CD109: variants seen among roughly 807,000 people sequenced by gnomAD.
CD109 encodes CD109 molecule.
A neutral mutation model predicts 165.8 loss-of-function variants in CD109; 149 were observed. The observed-to-expected ratio is 0.90, with a 90% CI of 0.79 to 1.03. CD109 has a LOEUF of 1.03. CD109 is among the 50% of genes least tolerant of loss of function. The pLI is 0.00. For missense variants in CD109, 1,712 were observed against 1,677.8 expected, an observed-to-expected ratio of 1.02 and a Z score of -0.36; for synonymous variants, 585 against 592.1, an observed-to-expected ratio of 0.99 and a Z score of 0.18.
chr6:73,766,089 C>T lies in CD109; in HGVS notation c.1267C>T (p.Pro423Ser), dbSNP rs377190899. 53 of 1,613,942 alleles carry T rather than the reference C, an allele frequency of 3.3e-5. No homozygotes were observed. The African/African-American group carries it at 5.9e-4, about 18-fold the overall frequency. Residue 423 changes from proline (P) to serine (S), a missense_variant, in exon 11 of 33, where the codon CCC (proline) becomes TCC (serine). Coordinates refer to ENST00000287097, the MANE Select transcript of CD109 (RefSeq NM_133493.5). ...TGTTCAGAAAATAAATTATACTGTC[C>T]CCCAAAGTGGAACTTTTAAGATTGA... Reference protein sequence around the residue: ...EAVQKINYTVPQSGTFKIEFP... With the variant: ...EAVQKINYTVSQSGTFKIEFP...
At position 73,823,820 on chromosome 6, in the gene CD109, T is replaced by C. The variant is rs1776186938; in HGVS notation, c.*187T>C. On this transcript the variant is annotated 3_prime_UTR_variant, in exon 33 of 33. Coordinates refer to ENST00000287097, the MANE Select transcript of CD109 (RefSeq NM_133493.5). ...CATAGATTTCTTCACCTGATCTTTGTGTGGAAGATCAGAATGAATGCAGTT... is the reference window on the plus strand; with the variant it reads ...CATAGATTTCTTCACCTGATCTTTGCGTGGAAGATCAGAATGAATGCAGTT... 6.6e-6 allele frequency: 3 copies of C among 453,126 alleles called. No homozygotes were observed. Among genetic ancestry groups the C allele is most frequent in the Admixed American group, 7.2e-5 (2 of 27,860 alleles). 28.1% of individuals were successfully genotyped at this position (453,126 alleles called of 1,614,324 possible).
chr6:73,799,138 C>T (rs1775275862), intron 23 of CD109, among the ~76,000 whole-genome samples: 1 of 152,058 alleles, frequency 6.6e-6, no homozygotes, highest in Non-Finnish European at 1.5e-5. Flanking sequence ...TATTTTGCTT[C>T]TCTGTGATCC....
At chr6:73,800,248 A>G (rs1281108047) in intron 23 of CD109, among the ~76,000 whole-genome samples, 1 of 152,094 alleles carries the variant, frequency 6.6e-6, no homozygotes, top group Non-Finnish European at 1.5e-5. Context: ...TATCCAGGAA[A>G]TTACTCTGCA....
Position 73,787,434 on chromosome 6 carries a change from C to G in CD109, c.2538C>G (p.Thr846=). 6.2e-7 allele frequency: 1 copy of G among 1,610,772 alleles called. No homozygotes were observed. The highest frequency in any genetic ancestry group is 8.5e-7 in the Non-Finnish European group (1 of 1,177,618). Residue 846 remains threonine, a synonymous_variant, in exon 21 of 33, where the codon ACC becomes ACG. Transcript: ENST00000287097. The part of the protein sequence containing the change: ...ALSPTASDAV[T]QMILVKAEGI... ...CACCCACTGCTTCTGATGCTGTCACCCAGATGATTTTAGTAAAGGTAAATA... is the reference window on the plus strand; with the variant it reads ...CACCCACTGCTTCTGATGCTGTCACGCAGATGATTTTAGTAAAGGTAAATA...
At chr6:73,781,077 A>ATG (rs1409076642) in intron 16 of CD109, among the ~76,000 whole-genome samples, 182 bp from the exon 17 acceptor site, 1 of 150,226 alleles carries the variant, frequency 6.7e-6, no homozygotes, top group African/African-American at 2.4e-5. Context: ...AGAAAGGTTG[A>ATG]TGTGTGTGTG....
At chr6:73,781,958 T>C (rs1289162648) in intron 17 of CD109, among the ~76,000 whole-genome samples, 1 of 152,196 alleles carries the variant, frequency 6.6e-6, no homozygotes, top group East Asian at 1.9e-4. Flanking sequence ...CGTCATAAAA[T>C]GTTTTGACTG....
At chr6:73,682,327 G>A in the CD109 span, among the ~76,000 whole-genome samples, 32 of 152,232 alleles carry the variant, frequency 2.1e-4, no homozygotes, top group African/African-American at 7.7e-4. Flanking sequence ...AAACAAAGGG[G>A]CTACACGTCC....
chr6:73,777,580 A>G (rs11967316), intron 15 of CD109, among the ~76,000 whole-genome samples: 4,964 of 152,152 alleles, frequency 0.033, 281 homozygotes, highest in African/African-American at 0.11. Context: ...ATCTTGCGTT[A>G]ATTTTTGTAT....
intron 25 of CD109, among the ~76,000 whole-genome samples, 181 bp downstream of exon 25, chr6:73,807,253 TTAACCCACTCTTTCAGAA>T (rs2075010858): frequency 6.6e-6 from 1 of 152,222 alleles, no homozygotes; most frequent in African/African-American, 2.4e-5. Context: ...GAATAAAACA[TTAACCCACTCTTTCAGAA>T]TAACTAAGAG....
chr6:73,821,445 A>C (rs932857245), intron 32 of CD109, among the ~76,000 whole-genome samples: 11 of 152,188 alleles, frequency 7.2e-5, no homozygotes, highest in African/African-American at 2.7e-4. Context: ...GCACTAATTC[A>C]CAATAGCAAA....
chr6:73,680,087 G>C, the CD109 span, among the ~76,000 whole-genome samples: 1 of 152,132 alleles, frequency 6.6e-6, no homozygotes, highest in African/African-American at 2.4e-5. Context: ...GTAAAGCCAA[G>C]ACCACAAACC....
chr6:73,699,609 T>C (rs1430479144), intron 2 of CD109, among the ~76,000 whole-genome samples: 1 of 152,174 alleles, frequency 6.6e-6, no homozygotes, highest in Non-Finnish European at 1.5e-5. Context: ...GGTTTTCAGC[T>C]TTATTCTTAG....
chr6:73,715,462 G>A (rs1771701185), intron 2 of CD109, among the ~76,000 whole-genome samples: 1 of 151,460 alleles, frequency 6.6e-6, no homozygotes, highest in African/African-American at 2.4e-5. Flanking sequence ...TTACTGGGGA[G>A]GCTGAGGCAG....
chr6:73,725,888 A>G (rs1215922194), intron 3 of CD109, among the ~76,000 whole-genome samples: 2 of 152,200 alleles, frequency 1.3e-5, no homozygotes, highest in African/African-American at 4.8e-5. Context: ...ATATTATGTC[A>G]TTTCAATTGT....
At chr6:73,684,221 CTTT>C in the CD109 span, among the ~76,000 whole-genome samples, 14 of 136,352 alleles carry the variant, frequency 1.0e-4, no homozygotes, top group Admixed American at 2.2e-4. Flanking sequence ...GTCGTTCTTT[CTTT>C]TTTTTTTTTT....
At chr6:73,727,446 G>A (rs1772184098) in intron 3 of CD109, among the ~76,000 whole-genome samples, 1 of 152,198 alleles carries the variant, frequency 6.6e-6, no homozygotes, top group African/African-American at 2.4e-5. Flanking sequence ...GCAAGGTGGG[G>A]TTTTTAACGG....
the CD109 span, among the ~76,000 whole-genome samples, chr6:73,680,278 C>T: frequency 0.19 from 29,093 of 152,002 alleles, 3,387 homozygotes; most frequent in Non-Finnish European, 0.25. Context: ...GCTAGAAGTT[C>T]AGGCAAACAC....
In CD109 at chr6:73,709,724, A is replaced by T. The variant is rs556216476; in HGVS notation, c.247+12152A>T. 3.3e-4 allele frequency among the ~76,000 whole-genome samples: 51 copies of T among 152,298 alleles called. No homozygotes were observed. In the South Asian group the frequency reaches 0.01, roughly 30 times the overall value. ...ACCGGCAAACCAAATCCAGCAGCACATCAAAAAGCTTATCCACCATGATCA... is the reference window on the plus strand; with the variant it reads ...ACCGGCAAACCAAATCCAGCAGCACTTCAAAAAGCTTATCCACCATGATCA... On this transcript the variant is annotated intron_variant, in intron 2 of 32. Coordinates refer to ENST00000287097, the MANE Select transcript of CD109 (RefSeq NM_133493.5).
At chr6:73,739,113 A>G (rs998290322) in intron 5 of CD109, among the ~76,000 whole-genome samples, 2 of 152,246 alleles carry the variant, frequency 1.3e-5, no homozygotes, top group African/African-American at 4.8e-5. Context: ...TGTGAAAACT[A>G]TATAGCAATA....
Sources: allele counts gnomAD v4.1 joint callset (sites outside exome capture counted in the v4.1 genomes callset), GRCh38; gene constraint gnomAD v4.1.1; transcripts MANE v1.5; gene names NCBI Gene and HGNC (gene_info 2026-07-23, HGNC 2026-07-21).